Variants in ASTN2 observed in about 807,000 individuals in gnomAD.
ASTN2 encodes astrotactin-2.
A neutral mutation model predicts 139.8 loss-of-function variants in ASTN2; 54 were observed. The ratio of observed to expected loss-of-function variants is 0.39; its 90% confidence interval spans 0.31 to 0.48. The LOEUF is 0.48. Among genes scored for constraint, ASTN2 ranks in the 20% least tolerant of loss-of-function variants. ASTN2 has a pLI of 0.95. For missense variants in ASTN2, 1,565 were observed against 1,725.1 expected (o/e 0.91, Z 1.64); for synonymous variants, 756 against 719.5 (o/e 1.05, Z -0.81).
At chr9:117,291,815 A>C (rs1010377666) in intron 1 of ASTN2, among the ~76,000 whole-genome samples, 1 of 152,238 alleles carries the variant, frequency 6.6e-6, no homozygotes, top group Admixed American at 6.5e-5. Flanking sequence ...AGTGGAATGA[A>C]ACTAAGGATA....
chr9:116,875,867 T>G (rs1173016923), intron 10 of ASTN2, among the ~76,000 whole-genome samples: 2 of 152,240 alleles, frequency 1.3e-5, no homozygotes, highest in Non-Finnish European at 2.9e-5. Context: ...TTAAGCCCAC[T>G]GTTGAGAACT....
intron 3 of ASTN2, among the ~76,000 whole-genome samples, chr9:117,169,635 A>G (rs935481714): frequency 9.9e-5 from 15 of 152,084 alleles, no homozygotes; most frequent in African/African-American, 3.6e-4. Flanking sequence ...AATTGCCAAC[A>G]CACGCTTTCA....
At chr9:117,168,923 C>T (rs1830728006) in intron 3 of ASTN2, among the ~76,000 whole-genome samples, 1 of 152,062 alleles carries the variant, frequency 6.6e-6, no homozygotes, top group Admixed American at 6.6e-5. Flanking sequence ...GAATGACAAG[C>T]CTATTTTTCA....
intron 19 of ASTN2, among the ~76,000 whole-genome samples, chr9:116,509,379 G>A (rs551882267): frequency 1.3e-5 from 2 of 152,224 alleles, no homozygotes; most frequent in South Asian, 4.2e-4. Context: ...TGGTGTATAT[G>A]TGCCACATTT....
intron 2 of ASTN2, among the ~76,000 whole-genome samples, chr9:117,280,411 T>G (rs1048880115): frequency 6.6e-6 from 1 of 152,226 alleles, no homozygotes; most frequent in Middle Eastern, 3.4e-3. Flanking sequence ...GCAGATGTAA[T>G]TGAGTAAAAA....
chr9:116,894,743 C>T (rs1330410101), intron 10 of ASTN2, among the ~76,000 whole-genome samples: 1 of 152,114 alleles, frequency 6.6e-6, no homozygotes, highest in Non-Finnish European at 1.5e-5. Flanking sequence ...CGATGCCCAG[C>T]CTATTCTCAT....
chr9:117,296,299 A>G (rs1240228715), intron 1 of ASTN2, among the ~76,000 whole-genome samples: 1 of 148,334 alleles, frequency 6.7e-6, no homozygotes, highest in African/African-American at 2.5e-5. Context: ...AAAAAAAAAA[A>G]AAAAGAAAGA....
intron 3 of ASTN2, among the ~76,000 whole-genome samples, chr9:117,210,953 GA>G (rs1189877118): frequency 1.7e-3 from 159 of 93,122 alleles, no homozygotes; most frequent in African/African-American, 5.2e-3. Flanking sequence ...TAGAATGATG[GA>G]AAAAAAACCA....
intron 10 of ASTN2, among the ~76,000 whole-genome samples, chr9:116,946,022 G>C (rs866350950): frequency 1.3e-5 from 2 of 152,216 alleles, no homozygotes; most frequent in Non-Finnish European, 1.5e-5. Context: ...GAGAGAGCAC[G>C]TGTGTGCAAA....
chr9:116,873,346 G>T (rs1471254395), intron 10 of ASTN2, among the ~76,000 whole-genome samples: 1 of 152,240 alleles, frequency 6.6e-6, no homozygotes, highest in African/African-American at 2.4e-5. Flanking sequence ...CAAGCCACAG[G>T]TAGGTAGATT....
In ASTN2 at chr9:116,976,747, C is replaced by T; in HGVS notation, c.1630G>A (p.Val544Ile). Residue 544 changes from valine (V) to isoleucine (I), a missense_variant, in exon 8 of 23, where the codon GTT (valine) becomes ATT (isoleucine). Around this residue, in one of 4 missense-constraint regions of ASTN2, gnomAD observed 503 missense variants for 591.7 expected, o/e 0.85. Coordinates refer to ENST00000313400, the MANE Select transcript of ASTN2 (RefSeq NM_001365068.1). ...CTGCGCACACACAGGTGTCTGTGAA[C>T]AGGGTCAGGGGCATAGCCTTCATGA... ...SCHEGYAPDP[V>I]HRHLCVRSDW... 1 of 1,614,094 alleles carries T rather than the reference C, an allele frequency of 6.2e-7. No homozygotes were observed. The highest frequency in any genetic ancestry group is 1.1e-5 in the South Asian group (1 of 91,072).
intron 11 of ASTN2, among the ~76,000 whole-genome samples, chr9:116,851,387 G>C (rs1832596188): frequency 6.6e-6 from 1 of 152,136 alleles, no homozygotes; most frequent in Non-Finnish European, 1.5e-5. Context: ...TGGTTTAGGT[G>C]AGAATTGCTT....
chr9:117,230,901 T>C (rs1832871379), intron 2 of ASTN2, among the ~76,000 whole-genome samples: 1 of 152,146 alleles, frequency 6.6e-6, no homozygotes, highest in South Asian at 2.1e-4. Context: ...TCCACTCGCC[T>C]TTTAAGACAG....
chr9:116,805,550 CA>C, intron 13 of ASTN2, 81 bp downstream of exon 13: 1 of 1,303,306 alleles, frequency 7.7e-7, no homozygotes, highest in African/African-American at 1.5e-5. Flanking sequence ...GTCTCTACCC[CA>C]TTGTGCCCAT....
chr9:117,308,235 A>ATCAG (rs907827201), intron 1 of ASTN2, among the ~76,000 whole-genome samples: 5 of 151,916 alleles, frequency 3.3e-5, no homozygotes, highest in African/African-American at 1.2e-4. Flanking sequence ...CAATCAATCA[A>ATCAG]TCAATCAATC....
intron 7 of ASTN2, among the ~76,000 whole-genome samples, chr9:116,978,522 C>CAG (rs55707665): frequency 0.26 from 38,591 of 150,210 alleles, 5,190 homozygotes; most frequent in Admixed American, 0.34. Context: ...CACACACACA[C>CAG]AGAGAGATAA....
At chr9:116,629,535 G>C (rs1856633380) in intron 17 of ASTN2, among the ~76,000 whole-genome samples, 2 of 152,116 alleles carry the variant, frequency 1.3e-5, no homozygotes, top group East Asian at 3.9e-4. Flanking sequence ...CAAATCCCAA[G>C]CAGTGCCCCC....
At chr9:116,809,053 C>T (rs1482454957) in intron 12 of ASTN2, among the ~76,000 whole-genome samples, 2 of 151,954 alleles carry the variant, frequency 1.3e-5, no homozygotes, top group Non-Finnish European at 2.9e-5. Flanking sequence ...CCTTCACCTT[C>T]CATATATATT....
At chr9:116,626,809 A>T (rs189400142) in intron 17 of ASTN2, among the ~76,000 whole-genome samples, 41 of 152,312 alleles carry the variant, frequency 2.7e-4, no homozygotes, top group Non-Finnish European at 4.9e-4. Flanking sequence ...GACGGAATTG[A>T]TGAACACAGG....
Sources: gnomAD v4.1 joint callset for allele counts (sites outside exome capture counted in the v4.1 genomes callset) on GRCh38, gnomAD v4.1.1 for gene constraint, gnomAD v4.1.1 regional missense constraint, MANE v1.5 for transcripts, NCBI Gene and HGNC (gene_info 2026-07-23, HGNC 2026-07-21) for gene names.